Variants in DYRK1A observed in about 807,000 individuals in gnomAD.
DYRK1A encodes the protein dual specificity tyrosine-phosphorylation-regulated kinase 1A.
DYRK1A carries 9 observed loss-of-function variants against 79.7 expected under a neutral mutation model. The ratio of observed to expected loss-of-function variants is 0.11; its 90% CI spans 0.07 to 0.20. DYRK1A has a LOEUF of 0.20. DYRK1A is among the 10% of genes least tolerant of loss of function. The pLI is 1.00. For synonymous variants in DYRK1A, 349 were observed against 329.7 expected (o/e 1.06, Z -0.63); for missense variants, 622 against 956.0 (o/e 0.65, Z 4.61).
chr21:37,505,285 G>A lies in DYRK1A; in HGVS notation c.1215G>A (p.Glu405=), dbSNP rs369805539. The A allele has an allele frequency of 1.2e-6, 2 of 1,608,372 alleles. No homozygotes were observed. The highest frequency in any genetic ancestry group is 2.7e-5 in the African/African-American group (2 of 74,702). ...GCCTTTCATCTTCTCTCTTACAGGA[G>A]TACAAACCACCAGGAACCCGTAAAC... The part of the protein sequence containing the change: ...NLKKTKDGKR[E]YKPPGTRKLH... The change falls in exon 10 of 12, where the codon GAG becomes GAA. Residue 405 remains glutamate (E), a splice_region_variant and synonymous_variant. Coordinates refer to ENST00000647188, the MANE Select transcript of DYRK1A (RefSeq NM_001347721.2).
At chr21:37,389,855 C>T (rs1178977368) in intron 1 of DYRK1A, among the ~76,000 whole-genome samples, 1 of 151,800 alleles carries the variant, frequency 6.6e-6, no homozygotes, top group African/African-American at 2.4e-5. Flanking sequence ...GGAAGAAGGG[C>T]TGGCATGCAC....
chr21:37,410,289 G>T (rs2050219492), intron 1 of DYRK1A, among the ~76,000 whole-genome samples: 1 of 152,188 alleles, frequency 6.6e-6, no homozygotes, highest in Admixed American at 6.5e-5. Flanking sequence ...GTGTTTTGTA[G>T]GCTGTGTATA....
intron 5 of DYRK1A, 52 bp from the exon 6 acceptor site, chr21:37,486,415 T>C: frequency 7.7e-7 from 1 of 1,304,648 alleles, no homozygotes; most frequent in Admixed American, 2.9e-5. Context: ...TATAAATTAT[T>C]GTGAAATTTT....
Position 37,490,317 on chromosome 21 carries a change from G to A in DYRK1A, c.780G>A (p.Met260Ile), listed in dbSNP as rs767212786. 1.9e-6 allele frequency: 3 copies of A among 1,613,634 alleles called. No homozygotes were observed. Among genetic ancestry groups the A allele is most frequent in the African/African-American group, 1.3e-5 (1 of 74,876 alleles). ...LNLTRKFAQQ[M>I]CTALLFLATP... ...TAACACGAAAGTTTGCGCAACAGAT[G>A]TGCACTGCACTGCTTTTCCTTGCGA... The change falls in exon 7 of 12, where the codon ATG becomes ATA. Residue 260 changes from methionine (M) to isoleucine (I), a missense_variant. Met to Ile is a conservative substitution (Grantham distance 10). Around this residue, in one of 5 missense-constraint regions of DYRK1A, gnomAD observed 138 missense variants for 346.4 expected, o/e 0.40. Coordinates refer to ENST00000647188, the MANE Select transcript of DYRK1A (RefSeq NM_001347721.2).
At chr21:37,382,967 A>G (rs1015960270) in intron 1 of DYRK1A, among the ~76,000 whole-genome samples, 15 of 152,216 alleles carry the variant, frequency 9.9e-5, no homozygotes, top group African/African-American at 2.9e-4. Flanking sequence ...TATAAACAAG[A>G]TAATCTAACA....
At chr21:37,398,846 G>C (rs2050005340) in intron 1 of DYRK1A, among the ~76,000 whole-genome samples, 1 of 152,140 alleles carries the variant, frequency 6.6e-6, no homozygotes, top group Non-Finnish European at 1.5e-5. Context: ...CAGAGGAACG[G>C]AGAGGCCACG....
Position 37,518,899 on chromosome 21 carries a change from T to A in DYRK1A, c.*6368T>A, listed in dbSNP as rs2148672452. On this transcript the variant is annotated 3_prime_UTR_variant, in exon 12 of 12. Transcript: ENST00000647188. ...AAGTGCTGGGATTACAGGCGTGAGCTACTTCACCCAGCCCCAAGAACATCT... is the reference window on the plus strand; with the variant it reads ...AAGTGCTGGGATTACAGGCGTGAGCAACTTCACCCAGCCCCAAGAACATCT... The A allele has an allele frequency of 6.6e-6, 1 of 152,234 alleles. No individual in the cohort carries two copies. Among genetic ancestry groups the A allele is most frequent in the East Asian group, 1.9e-4 (1 of 5,172 alleles). 9.4% of individuals were successfully genotyped at this position (152,234 alleles called of 1,614,324 possible).
chr21:37,448,664 A>AAT (rs2051348333), intron 2 of DYRK1A, among the ~76,000 whole-genome samples: 1 of 152,154 alleles, frequency 6.6e-6, no homozygotes, highest in South Asian at 2.1e-4. Context: ...AAAGGAGGGA[A>AAT]ATATATATAA....
At chr21:37,443,718 T>C (rs973378037) in intron 2 of DYRK1A, among the ~76,000 whole-genome samples, 3 of 152,190 alleles carry the variant, frequency 2.0e-5, no homozygotes, top group Non-Finnish European at 4.4e-5. Context: ...TCTGGTAGTT[T>C]GCTGGCAATC....
chr21:37,494,818 C>T (rs1001202538), intron 8 of DYRK1A, among the ~76,000 whole-genome samples: 2 of 151,734 alleles, frequency 1.3e-5, no homozygotes, highest in South Asian at 2.1e-4. Flanking sequence ...TGTGGTGTTG[C>T]GTGCCTGTAA....
At chr21:37,447,388 A>G (rs1377020840) in intron 2 of DYRK1A, among the ~76,000 whole-genome samples, 1 of 152,198 alleles carries the variant, frequency 6.6e-6, no homozygotes, top group African/African-American at 2.4e-5. Flanking sequence ...ACATTAAAAA[A>G]ACATAATTTC....
chr21:37,410,671 G>GT (rs2050225766), intron 1 of DYRK1A: 1 of 152,238 alleles, frequency 6.6e-6, no homozygotes, highest in African/African-American at 2.4e-5. Context: ...GGGATTACAG[G>GT]TAAGTGCCAC....
rs151072580 is a variant in DYRK1A at position 37,494,232 on chromosome 21, T to C, written c.1071+1069T>C. On this transcript the variant is annotated intron_variant, in intron 8 of 11. Coordinates refer to ENST00000647188, the MANE Select transcript of DYRK1A (RefSeq NM_001347721.2). ...CAACTTGAACTGGTGAGCTACTCTT[T>C]TATAGTAACTGTCATAGTTTGTTTT... Among the ~76,000 whole-genome samples the C allele has an allele frequency of 7.0e-3, 1,070 of 152,156 alleles. 13 individuals are homozygous for C. Among genetic ancestry groups the C allele is most frequent in the African/African-American group, 0.025 (1,027 of 41,522 alleles).
intron 2 of DYRK1A, among the ~76,000 whole-genome samples, chr21:37,451,026 C>CG (rs2051429918): frequency 6.6e-6 from 1 of 152,100 alleles, no homozygotes; most frequent in South Asian, 2.1e-4. Context: ...TCTTGGCTTA[C>CG]GTGTATGTGT....
chr21:37,425,767 C>T (rs1200327947), intron 2 of DYRK1A: 1 of 152,184 alleles, frequency 6.6e-6, no homozygotes, highest in Non-Finnish European at 1.5e-5. Context: ...AGTATCCCCA[C>T]TGACTCACAT....
At chr21:37,452,706 T>C (rs1183413253) in intron 2 of DYRK1A, among the ~76,000 whole-genome samples, 3 of 151,212 alleles carry the variant, frequency 2.0e-5, no homozygotes, top group African/African-American at 4.9e-5. Context: ...AGTCCCTCTT[T>C]TCCCTGCGCT....
At position 37,506,158 on chromosome 21, in the gene DYRK1A, CGGCACAGTGGTG is replaced by C; in HGVS notation, c.1585_1596del (p.Ser529_His532del). 1.2e-6 allele frequency: 2 copies of C among 1,614,174 alleles called. No individual in the cohort carries two copies. Among genetic ancestry groups the C allele is most frequent in the Non-Finnish European group, 1.7e-6 (2 of 1,180,010 alleles). On this transcript the variant is annotated inframe_deletion, in exon 11 of 12. Coordinates refer to ENST00000647188, the MANE Select transcript of DYRK1A (RefSeq NM_001347721.2). ...CCGGTCGGATCCGACGCACCAGCAT[CGGCACAGTGGTG>C]GGCACTTCACAGCTGCCGTGCAGGC... is the stretch of plus-strand genomic sequence containing the variant.
At chr21:37,501,083 A>C (rs2053429314) in intron 9 of DYRK1A, among the ~76,000 whole-genome samples, 1 of 150,332 alleles carries the variant, frequency 6.7e-6, no homozygotes, top group Non-Finnish European at 1.5e-5. Flanking sequence ...TTGCTACTAT[A>C]GAATTTAATG....
intron 1 of DYRK1A, among the ~76,000 whole-genome samples, chr21:37,417,745 A>C (rs9975193): frequency 0.037 from 5,561 of 151,550 alleles, 153 homozygotes; most frequent in Middle Eastern, 0.068. Context: ...TTTTAAGACA[A>C]CTAAAAAAAA....
Sources: allele counts gnomAD v4.1 joint callset (sites outside exome capture counted in the v4.1 genomes callset), GRCh38; gene constraint gnomAD v4.1.1; regional missense constraint gnomAD v4.1.1; transcripts MANE v1.5; gene names NCBI Gene and HGNC (gene_info 2026-07-23, HGNC 2026-07-21).